PHLDB2: variants seen among roughly 807,000 people sequenced by gnomAD.
PHLDB2 encodes pleckstrin homology-like domain family B member 2.
A neutral mutation model predicts 123.6 loss-of-function variants in PHLDB2; 71 were observed. The ratio of observed to expected loss-of-function variants is 0.57; its 90% CI spans 0.47 to 0.70. PHLDB2 has a LOEUF of 0.70. Among genes scored for constraint, PHLDB2 ranks in the 30% least tolerant of loss-of-function variants. The probability of loss-of-function intolerance (pLI) is 0.00; values close to 1 mark genes in which losing one functional copy is unlikely to be tolerated. For missense variants in PHLDB2, 1,446 were observed against 1,519.5 expected (o/e 0.95, Z 0.80); for synonymous variants, 547 against 541.6 (o/e 1.01, Z -0.14).
At chr3:111,875,346 C>G (rs1203683037) in intron 1 of PHLDB2, among the ~76,000 whole-genome samples, 1 of 151,312 alleles carries the variant, frequency 6.6e-6, no homozygotes, top group East Asian at 2.0e-4. Flanking sequence ...GATGGAGTTT[C>G]TCCATGTTGG....
At chr3:111,915,479 G>C (rs1348531485) in intron 3 of PHLDB2, 1 of 152,570 alleles carries the variant, frequency 6.6e-6, no homozygotes, top group African/African-American at 2.4e-5. Context: ...ACCCAGGCTG[G>C]AGTGCAGTGG....
intron 1 of PHLDB2, among the ~76,000 whole-genome samples, chr3:111,732,879 T>A (rs546399627): frequency 6.1e-4 from 93 of 152,352 alleles, no homozygotes; most frequent in African/African-American, 2.1e-3. Context: ...GGCTGTATTT[T>A]CCTTCTGTCT....
intron 1 of PHLDB2, among the ~76,000 whole-genome samples, chr3:111,757,162 G>A (rs967518814): frequency 6.6e-6 from 1 of 152,164 alleles, no homozygotes; most frequent in African/African-American, 2.4e-5. Flanking sequence ...TCTTTGTGGA[G>A]TTCTCTGTAT....
intron 1 of PHLDB2, among the ~76,000 whole-genome samples, chr3:111,830,507 CAAAAAAA>C (rs397990816): frequency 1.7e-5 from 2 of 115,834 alleles, no homozygotes; most frequent in Non-Finnish European, 3.6e-5. Flanking sequence ...AGGAACATGG[CAAAAAAA>C]AAAAAAAAAA....
chr3:111,932,221 G>A (rs1174938132), intron 5 of PHLDB2, 48 bp from the exon 6 acceptor site: 1 of 1,539,966 alleles, frequency 6.5e-7, no homozygotes, highest in African/African-American at 1.4e-5. Flanking sequence ...CACCTGCTTG[G>A]GGGTGTGAAG....
At chr3:111,880,603 A>G (rs567220026) in intron 1 of PHLDB2, among the ~76,000 whole-genome samples, 1 of 152,256 alleles carries the variant, frequency 6.6e-6, no homozygotes, top group African/African-American at 2.4e-5. Flanking sequence ...GCATATGCAC[A>G]AAGTGGTAGA....
At chr3:111,910,901 G>A (rs776096788) in intron 2 of PHLDB2, among the ~76,000 whole-genome samples, 102 of 152,280 alleles carry the variant, frequency 6.7e-4, no homozygotes, top group African/African-American at 2.4e-3. Context: ...TTTTAAACTC[G>A]TGGGCAGCAG....
chr3:111,895,579 GGCTCAC>G (rs1340511212), intron 2 of PHLDB2, among the ~76,000 whole-genome samples: 2 of 152,162 alleles, frequency 1.3e-5, no homozygotes, highest in Non-Finnish European at 2.9e-5. Flanking sequence ...CAGGCGTGTT[GGCTCAC>G]GCCTGTAATC....
At chr3:111,955,144 G>GATATATATATATATATATATATATATAT (rs1553754364) in intron 12 of PHLDB2, among the ~76,000 whole-genome samples, 1 of 145,322 alleles carries the variant, frequency 6.9e-6, no homozygotes, top group Non-Finnish European at 1.5e-5. Flanking sequence ...ATGTATATAT[G>GATATATATATATATATATATATATATAT]ATATATATAT....
At chr3:111,778,740 A>T (rs1290045401) in intron 1 of PHLDB2, among the ~76,000 whole-genome samples, 2 of 152,056 alleles carry the variant, frequency 1.3e-5, no homozygotes, top group Non-Finnish European at 2.9e-5. Context: ...CCAGGGCTCA[A>T]GTCAGGACAA....
Position 111,969,786 on chromosome 3 carries a change from C to A in PHLDB2, c.3412C>A (p.His1138Asn). ...TGGCCACAATATTGACACCTGTTAC[C>A]ATGTATCAATCACAGAGAAGACCTG... ...TAGHNIDTCYHVSITEKTCRG... is the reference protein window; with the variant it reads ...TAGHNIDTCYNVSITEKTCRG... The change falls in exon 16 of 18, where the codon CAT becomes AAT. Residue 1138 changes from histidine (H) to asparagine (N), a missense_variant. By Grantham distance (68) the His-to-Asn change is moderately conservative (BLOSUM62 1). Around this residue, in one of 3 missense-constraint regions of PHLDB2, gnomAD observed 594 missense variants for 646.0 expected, o/e 0.92. Transcript: ENST00000431670. 2 of 1,613,970 alleles carry A rather than the reference C, an allele frequency of 1.2e-6. No individual in the cohort carries two copies. Among genetic ancestry groups the A allele is most frequent in the East Asian group, 2.2e-5 (1 of 44,874 alleles).
chr3:111,824,803 A>C (rs1408496614), intron 1 of PHLDB2, among the ~76,000 whole-genome samples: 1 of 152,198 alleles, frequency 6.6e-6, no homozygotes, highest in East Asian at 1.9e-4. Flanking sequence ...ATTCTAACAG[A>C]CGCAAACTTC....
chr3:111,774,336 G>T (rs1490525925), intron 1 of PHLDB2, among the ~76,000 whole-genome samples: 2 of 152,182 alleles, frequency 1.3e-5, no homozygotes, highest in South Asian at 2.1e-4. Flanking sequence ...TTCAGGGAGG[G>T]TTTAGTGGCT....
At chr3:111,803,426 G>A (rs968903721) in intron 1 of PHLDB2, among the ~76,000 whole-genome samples, 1 of 152,130 alleles carries the variant, frequency 6.6e-6, no homozygotes, top group Non-Finnish European at 1.5e-5. Flanking sequence ...GGGAGAATGT[G>A]CCCCCACCAC....
At chr3:111,739,554 T>C (rs1236355304) in intron 1 of PHLDB2, among the ~76,000 whole-genome samples, 1 of 135,648 alleles carries the variant, frequency 7.4e-6, no homozygotes, top group African/African-American at 2.7e-5. Context: ...GAGGGACAGA[T>C]CCACACCTCT....
chr3:111,761,055 C>T (rs543489025), intron 1 of PHLDB2, among the ~76,000 whole-genome samples: 34 of 151,894 alleles, frequency 2.2e-4, no homozygotes, highest in South Asian at 2.1e-4. Context: ...CGTGGTGGTG[C>T]GTGCTTGTAG....
At chr3:111,917,976 CTG>C (rs1343148554) in intron 3 of PHLDB2, among the ~76,000 whole-genome samples, 2 of 151,958 alleles carry the variant, frequency 1.3e-5, no homozygotes, top group African/African-American at 4.8e-5. Flanking sequence ...ATTTGTGAAA[CTG>C]TATAATTATT....
rs772400256 is a variant in PHLDB2, at chr3:111,884,594, T to C, written c.517T>C (p.Ser173Pro). 2.1e-5 allele frequency: 34 copies of C among 1,614,092 alleles called. No homozygotes were observed. The East Asian group carries it at 7.6e-4, about 36-fold the overall frequency. The change falls in exon 2 of 18, where the codon TCT becomes CCT. Residue 173 changes from serine (S) to proline (P), a missense_variant. By Grantham distance (74) the Ser-to-Pro change is moderately conservative. Around this residue, in one of 3 missense-constraint regions of PHLDB2, gnomAD observed 832 missense variants for 831.9 expected, o/e 1.00. Transcript: ENST00000431670. The stretch of plus-strand genomic sequence containing the variant: ...TGGAGGGCTGGAAGGTCGGAAGGCA[T>C]CTGGCTCGCTCCTGGCCATGTGGAA... ...SLGGLEGRKA[S>P]GSLLAMWNGS...
At chr3:111,789,995 T>C (rs982497722) in intron 1 of PHLDB2, among the ~76,000 whole-genome samples, 1 of 152,168 alleles carries the variant, frequency 6.6e-6, no homozygotes, top group Non-Finnish European at 1.5e-5. Flanking sequence ...GGAATTCTCA[T>C]ACCACAGCCA....
Sources: gnomAD v4.1 joint callset for allele counts (sites outside exome capture counted in the v4.1 genomes callset) on GRCh38, gnomAD v4.1.1 for gene constraint, gnomAD v4.1.1 regional missense constraint, MANE v1.5 for transcripts, NCBI Gene and HGNC (gene_info 2026-07-23, HGNC 2026-07-21) for gene names.